Variants in TJP1 observed in about 807,000 individuals in gnomAD.
TJP1 encodes the protein tight junction protein 1.
TJP1 carries 43 observed loss-of-function variants against 194.2 expected under a neutral mutation model. The observed-to-expected ratio is 0.22, with a 90% confidence interval of 0.17 to 0.29. TJP1 has a LOEUF of 0.29. TJP1 is among the 10% of genes least tolerant of loss of function. TJP1 has a pLI of 1.00. For missense variants in TJP1, 1,971 were observed against 2,185.7 expected, an observed-to-expected ratio of 0.90 and a Z score of 1.96; for synonymous variants, 801 against 779.0, an observed-to-expected ratio of 1.03 and a Z score of -0.47.
Position 29,956,172 on chromosome 15 carries a change from TAAAATA to T in TJP1, c.306+54_306+59del, listed in dbSNP as rs970563880. On this transcript the variant is annotated intron_variant, in intron 2 of 28. Transcript: ENST00000356107. ...GTCTGCTGCATTTTTATGAAAATAA[TAAAATA>T]AAAACTTTCATACTCTTTGGAAAAA... 8 of 1,109,448 alleles carry T rather than the reference TAAAATA, an allele frequency of 7.2e-6. No homozygotes were observed. In the African/African-American group the frequency reaches 1.3e-4, roughly 18 times the overall value. 68.7% of individuals were successfully genotyped at this position (1,109,448 alleles called of 1,614,324 possible). A position where few individuals can be genotyped will look rare whatever the true frequency, so the allele number is the denominator to read the frequency against.
At chr15:29,811,583 C>G (rs1275340481) in intron 1 of TJP1, among the ~76,000 whole-genome samples, 2 of 152,148 alleles carry the variant, frequency 1.3e-5, no homozygotes, top group South Asian at 2.1e-4. Context: ...GAGCCAGGTA[C>G]CCTGGATTTG....
intron 1 of TJP1, among the ~76,000 whole-genome samples, chr15:29,813,723 G>A (rs2049698965): frequency 6.6e-6 from 1 of 152,114 alleles, no homozygotes; most frequent in South Asian, 2.1e-4. Flanking sequence ...ACCCAGAAAA[G>A]GCATGTTAGG....
chr15:29,939,959 T>G (rs1296063487), intron 2 of TJP1, among the ~76,000 whole-genome samples: 1 of 152,152 alleles, frequency 6.6e-6, no homozygotes, highest in Non-Finnish European at 1.5e-5. Context: ...TATTATGTTA[T>G]AGCAGGCAAA....
chr15:29,867,973 T>G (rs1287040817), intron 2 of TJP1, among the ~76,000 whole-genome samples: 1 of 151,310 alleles, frequency 6.6e-6, no homozygotes, highest in African/African-American at 2.4e-5. Context: ...GGAGGATGGC[T>G]TGAGCTCAGG....
intron 2 of TJP1, among the ~76,000 whole-genome samples, chr15:29,905,098 T>C (rs572233674): frequency 6.6e-6 from 1 of 152,340 alleles, no homozygotes; most frequent in African/African-American, 2.4e-5. Flanking sequence ...TGTGGTTCTT[T>C]GTCACAGCAG....
At chr15:29,838,506 G>A (rs766852481) in intron 2 of TJP1, among the ~76,000 whole-genome samples, 1 of 152,172 alleles carries the variant, frequency 6.6e-6, no homozygotes, top group African/African-American at 2.4e-5. Context: ...CCAATGTGAA[G>A]AATACCTTAC....
intron 1 of TJP1, among the ~76,000 whole-genome samples, chr15:29,812,017 A>G (rs1385035115): frequency 1.3e-5 from 2 of 152,354 alleles, no homozygotes; most frequent in Non-Finnish European, 2.9e-5. Context: ...CACAGCTAAC[A>G]TAATAGCTTA....
rs770297089 is a variant in TJP1 at position 29,720,590 on chromosome 15, T to C, written c.2531A>G (p.Glu844Gly). The C allele has an allele frequency of 6.2e-7, 1 of 1,614,148 alleles. No homozygotes were observed. The highest frequency in any genetic ancestry group is 8.5e-7 in the Non-Finnish European group (1 of 1,180,034). ...GGCCCCGCCTTCTGTGTCTGTGTCT[T>C]CATAGTCAGAAGTGTGTCTACTGTC... The part of the protein sequence containing the change: ...STDSRHTSDY[E>G]DTDTEGGAYT... Residue 844 changes from glutamate to glycine, a missense_variant, in exon 19 of 28, where the codon GAA becomes GGA. By Grantham distance (98) the Glu-to-Gly change is moderately conservative. Coordinates refer to ENST00000614355, the MANE Select transcript of TJP1 (RefSeq NM_001330239.4).
intron 5 of TJP1, among the ~76,000 whole-genome samples, chr15:29,763,562 G>A (rs1439916853): frequency 1.3e-5 from 2 of 152,080 alleles, no homozygotes; most frequent in Non-Finnish European, 2.9e-5. Flanking sequence ...AAGGTCAGGA[G>A]TTCGAGACCA....
At chr15:29,928,299 T>C (rs117717224) in intron 2 of TJP1, among the ~76,000 whole-genome samples, 16 of 152,320 alleles carry the variant, frequency 1.1e-4, no homozygotes, top group Non-Finnish European at 2.4e-4. Flanking sequence ...CATTAGTAGT[T>C]AGGGAGATGC....
chr15:29,880,625 C>T (rs1161693567), intron 2 of TJP1, among the ~76,000 whole-genome samples: 1 of 152,176 alleles, frequency 6.6e-6, no homozygotes. Flanking sequence ...CCCTGGCAAC[C>T]ACTATTGTAT....
At chr15:29,963,378 G>T (rs1312653668) in intron 1 of TJP1, among the ~76,000 whole-genome samples, 1 of 152,102 alleles carries the variant, frequency 6.6e-6, no homozygotes, top group Non-Finnish European at 1.5e-5. Context: ...GCAAGTCAAT[G>T]ACCTAATTTG....
chr15:29,748,945 TGTGTGTGTGCGC>T (rs1440724767), intron 8 of TJP1, among the ~76,000 whole-genome samples: 11 of 32,918 alleles, frequency 3.3e-4, no homozygotes, highest in African/African-American at 7.1e-4. Context: ...TGTGTGTGTG[TGTGTGTGTGCGC>T]GTGTGTGCGC....
In TJP1 at chr15:29,704,167, G is replaced by C. The variant is rs761419687; in HGVS notation, c.5207C>G (p.Ser1736Trp). Residue 1736 changes from serine to tryptophan, a missense_variant, in exon 27 of 28, where the codon TCG becomes TGG. By Grantham distance (177) the Ser-to-Trp change is radical (BLOSUM62 -3). Coordinates refer to ENST00000614355, the MANE Select transcript of TJP1 (RefSeq NM_001330239.4). ...ACAGAGTGAAGACAGCATACCCGACGAGGAGTCGGATGATTTTAGAGCAAA... is the reference window on the plus strand; with the variant it reads ...ACAGAGTGAAGACAGCATACCCGACCAGGAGTCGGATGATTTTAGAGCAAA... ...WSFALKSSDSSSGDPKTWQNK... is the reference protein window; with the variant it reads ...WSFALKSSDSWSGDPKTWQNK... 1.0e-5 allele frequency: 16 copies of C among 1,557,284 alleles called. No homozygotes were observed. In the African/African-American group the frequency reaches 2.0e-4, roughly 20 times the overall value.
chr15:29,707,463 T>C (rs1368585488), intron 25 of TJP1, among the ~76,000 whole-genome samples: 1 of 152,118 alleles, frequency 6.6e-6, no homozygotes, highest in Non-Finnish European at 1.5e-5. Flanking sequence ...TGACCATCTG[T>C]GGATGTGCAG....
chr15:29,752,571 CCT>C (rs997206361), intron 8 of TJP1, among the ~76,000 whole-genome samples: 4 of 152,090 alleles, frequency 2.6e-5, no homozygotes, highest in Non-Finnish European at 4.4e-5. Context: ...TAAAATCTTC[CCT>C]CTTTTGGCCC....
chr15:29,707,377 C>T (rs1470560377), intron 25 of TJP1, among the ~76,000 whole-genome samples: 1 of 152,140 alleles, frequency 6.6e-6, no homozygotes, highest in African/African-American at 2.4e-5. Flanking sequence ...GTGCCAGGGA[C>T]GACATCCTAC....
At chr15:29,843,401 C>T (rs1257330336) in intron 2 of TJP1, among the ~76,000 whole-genome samples, 1 of 152,096 alleles carries the variant, frequency 6.6e-6, no homozygotes, top group Non-Finnish European at 1.5e-5. Context: ...GTTGGTCAGG[C>T]TGGTCTCGAA....
intron 2 of TJP1, among the ~76,000 whole-genome samples, chr15:29,792,232 T>A (rs937012731): frequency 1.3e-5 from 2 of 152,194 alleles, no homozygotes; most frequent in African/African-American, 4.8e-5. Context: ...TTTCTTCTAG[T>A]AGTCTCATAA....
Sources: gnomAD v4.1 joint callset for allele counts (sites outside exome capture counted in the v4.1 genomes callset) on GRCh38, gnomAD v4.1.1 for gene constraint, MANE v1.5 for transcripts, NCBI Gene and HGNC (gene_info 2026-07-23, HGNC 2026-07-21) for gene names.